CCDC141: variants seen among roughly 807,000 people sequenced by gnomAD.
CCDC141 encodes the protein coiled-coil domain-containing protein 141.
Under a neutral mutation model 181.0 loss-of-function variants are expected in CCDC141, and 168 were observed. The observed-to-expected ratio is 0.93, with a 90% CI of 0.82 to 1.05. The LOEUF (loss-of-function observed/expected upper bound fraction) is 1.05. Ranked by LOEUF, CCDC141 falls within the 50% of genes least tolerant of loss-of-function variation. The pLI, the probability that CCDC141 is intolerant of heterozygous loss-of-function variation, is 0.00. For missense variants in CCDC141, 1,902 were observed against 1,788.5 expected (o/e 1.06, Z -1.14); for synonymous variants, 666 against 642.3 (o/e 1.04, Z -0.56).
chr2:178,866,073 T>A (rs1685839905), intron 16 of CCDC141, among the ~76,000 whole-genome samples, 157 bp from the exon 17 acceptor site: 1 of 152,202 alleles, frequency 6.6e-6, no homozygotes, highest in Admixed American at 6.5e-5. Context: ...AACATAATTA[T>A]TTCAGAAAGA....
intron 4 of CCDC141, among the ~76,000 whole-genome samples, chr2:178,971,646 C>T (rs1035772652): frequency 6.6e-6 from 1 of 152,130 alleles, no homozygotes; most frequent in African/African-American, 2.4e-5. Flanking sequence ...GTACTATTCA[C>T]AATAGCAAAG....
At chr2:178,914,721 C>G (rs992942186) in intron 7 of CCDC141, among the ~76,000 whole-genome samples, 12 of 152,180 alleles carry the variant, frequency 7.9e-5, no homozygotes, top group African/African-American at 2.2e-4. Flanking sequence ...AGAACAATGC[C>G]TGACACATAG....
At chr2:178,968,906 C>T (rs537913747) in intron 4 of CCDC141, among the ~76,000 whole-genome samples, 3 of 152,010 alleles carry the variant, frequency 2.0e-5, no homozygotes, top group African/African-American at 7.2e-5. Flanking sequence ...GGGCATATCA[C>T]CACTGATCCC....
At chr2:178,981,693 G>C (rs1393691188) in intron 2 of CCDC141, among the ~76,000 whole-genome samples, 1 of 106,476 alleles carries the variant, frequency 9.4e-6, no homozygotes, top group Non-Finnish European at 1.9e-5. Flanking sequence ...TAGAGAGAGA[G>C]AGAGAGAGAA....
intron 2 of CCDC141, among the ~76,000 whole-genome samples, chr2:179,039,510 G>T (rs1398372698): frequency 6.6e-6 from 1 of 152,002 alleles, no homozygotes; most frequent in African/African-American, 2.4e-5. Flanking sequence ...GTGTGTGAAG[G>T]TAACCGTTAT....
At chr2:178,852,454 C>G (rs535514976) in intron 20 of CCDC141, among the ~76,000 whole-genome samples, 2 of 152,286 alleles carry the variant, frequency 1.3e-5, no homozygotes, top group African/African-American at 2.4e-5. Flanking sequence ...TGCACTCACA[C>G]GGTAACTCCA....
At chr2:178,896,963 C>G (rs1042160668) in intron 8 of CCDC141, among the ~76,000 whole-genome samples, 2 of 151,894 alleles carry the variant, frequency 1.3e-5, no homozygotes, top group African/African-American at 2.4e-5. Flanking sequence ...CCCTTCTCCC[C>G]CTGCCACCCC....
intron 2 of CCDC141, among the ~76,000 whole-genome samples, chr2:178,987,060 T>C (rs1292595834): frequency 2.0e-5 from 3 of 150,350 alleles, no homozygotes; most frequent in Non-Finnish European, 4.4e-5. Flanking sequence ...CTACCTGACT[T>C]CAAACTATAC....
At chr2:178,815,214 A>G in the CCDC141 span, among the ~76,000 whole-genome samples, 2 of 152,206 alleles carry the variant, frequency 1.3e-5, no homozygotes, top group African/African-American at 4.8e-5. Context: ...AAGGACATGA[A>G]CAACTTTATC....
At chr2:178,835,721 T>C (rs369039032) in intron 23 of CCDC141, 1 of 152,308 alleles carries the variant, frequency 6.6e-6, no homozygotes, top group African/African-American at 2.4e-5. Context: ...TAATATTTAC[T>C]GTGTGGACAA....
rs923348192 is a variant in CCDC141 at position 178,830,821 on chromosome 2, A to C, written c.*3352T>G. 1.3e-5 allele frequency: 2 copies of C among 152,320 alleles called. No homozygotes were observed. The highest frequency in any genetic ancestry group is 4.8e-5 in the African/African-American group (2 of 41,446). 9.4% of individuals were successfully genotyped at this position (152,320 alleles called of 1,614,324 possible). The stretch of plus-strand genomic sequence containing the variant: ...CTGGAACATAAGCAAGAGTTAAGTC[A>C]CATGAAGATAGGGTGGTGAAGATAG... On this transcript the variant is annotated 3_prime_UTR_variant, in exon 24 of 24. Coordinates refer to ENST00000443758, the MANE Select transcript of CCDC141 (RefSeq NM_173648.4).
At chr2:178,958,238 C>A (rs1372177493) in intron 5 of CCDC141, among the ~76,000 whole-genome samples, 6 of 152,156 alleles carry the variant, frequency 3.9e-5, no homozygotes, top group Non-Finnish European at 7.4e-5. Flanking sequence ...TTGTTCAAAC[C>A]CATAGGTACA....
rs1290841729 is a variant in CCDC141, at chr2:178,983,370, CAG to C, written c.226-4697_226-4696del. ...TAAAACCACGAAGAGGGGGAAAAAA[CAG>C]AACAGAAAAACTAGAAACTCTAAAA... On this transcript the variant is annotated intron_variant, in intron 2 of 23. Transcript: ENST00000443758. Among the ~76,000 whole-genome samples the C allele has an allele frequency of 6.6e-5, 10 of 152,318 alleles. No individual in the cohort carries two copies. In the East Asian group the frequency reaches 1.7e-3, roughly 26 times the overall value.
chr2:178,902,201 A>G, intron 8 of CCDC141, among the ~76,000 whole-genome samples: 1 of 152,240 alleles, frequency 6.6e-6, no homozygotes, highest in East Asian at 1.9e-4. Flanking sequence ...TATAGATTCA[A>G]TGCTATCCCC....
intron 11 of CCDC141, among the ~76,000 whole-genome samples, chr2:178,878,700 G>C (rs1046045617): frequency 6.6e-6 from 1 of 152,084 alleles, no homozygotes; most frequent in Non-Finnish European, 1.5e-5. Flanking sequence ...ATTGTTGATT[G>C]TTTGGGTAGA....
chr2:178,999,396 G>A lies in CCDC141; in HGVS notation c.226-20721C>T, dbSNP rs1490123800. Reference sequence around the variant, plus strand: ...CCATACCTCAGTTTCGTCTTTCAACGCTTCTCACCCGAATTCCTACAACAG... The same window carrying A: ...CCATACCTCAGTTTCGTCTTTCAACACTTCTCACCCGAATTCCTACAACAG... On this transcript the variant is annotated intron_variant, in intron 2 of 23. Transcript: ENST00000443758. Among the ~76,000 whole-genome samples the A allele has an allele frequency of 3.3e-5, 5 of 151,810 alleles. No homozygotes were observed. In the East Asian group the frequency reaches 7.7e-4, roughly 23 times the overall value.
At chr2:179,016,465 T>A (rs2042545931) in intron 2 of CCDC141, among the ~76,000 whole-genome samples, 1 of 152,144 alleles carries the variant, frequency 6.6e-6, no homozygotes, top group Non-Finnish European at 1.5e-5. Context: ...TTAGTAAATC[T>A]AAGTGAAGGA....
rs1300361379 is a variant in CCDC141 at position 179,015,244 on chromosome 2, C to CAT, written c.225+32038_225+32039dup. ...TCATATATACCTCATATATATATCTCATATATATCTCATATATATCATATA... is the reference window on the plus strand; with the variant it reads ...TCATATATACCTCATATATATATCTCATATATATATCTCATATATATCATATA... On this transcript the variant is annotated intron_variant, in intron 2 of 23. Coordinates refer to ENST00000443758, the MANE Select transcript of CCDC141 (RefSeq NM_173648.4). Among the ~76,000 whole-genome samples, 103 of 96,752 alleles carry CAT rather than the reference C, an allele frequency of 1.1e-3. 1 individual carries two copies. In the East Asian group the frequency reaches 0.018, roughly 17 times the overall value. 63.5% of individuals were successfully genotyped at this position (96,752 alleles called of 152,430 possible).
chr2:178,957,744 A>G (rs1690222590), intron 5 of CCDC141, among the ~76,000 whole-genome samples: 1 of 152,170 alleles, frequency 6.6e-6, no homozygotes, highest in African/African-American at 2.4e-5. Context: ...ATGTTTTTTG[A>G]GACAGAGTCT....
Sources: allele counts gnomAD v4.1 joint callset (sites outside exome capture counted in the v4.1 genomes callset), GRCh38; gene constraint gnomAD v4.1.1; transcripts MANE v1.5; gene names NCBI Gene and HGNC (gene_info 2026-07-23, HGNC 2026-07-21).